The following CEP83 variants were observed in gnomAD, a reference collection of about 807,000 sequenced individuals.
CEP83 encodes the protein centrosomal protein of 83 kDa.
A neutral mutation model predicts 101.9 loss-of-function variants in CEP83; 70 were observed. The ratio of observed to expected loss-of-function variants is 0.69; its 90% CI spans 0.57 to 0.84. CEP83 has a LOEUF of 0.84. Ranked by LOEUF, CEP83 falls within the 40% of genes least tolerant of loss-of-function variation. The pLI is 0.00. For missense variants in CEP83, 715 were observed against 787.2 expected (o/e 0.91, Z 1.10); for synonymous variants, 264 against 267.9 (o/e 0.99, Z 0.14).
chr12:94,429,730 G>A (rs1284060259), intron 2 of CEP83, among the ~76,000 whole-genome samples: 1 of 152,108 alleles, frequency 6.6e-6, no homozygotes, highest in African/African-American at 2.4e-5. Context: ...AATAAGCAAA[G>A]CATGAGCTTC....
At chr12:94,398,576 T>C (rs916348831) in intron 6 of CEP83, among the ~76,000 whole-genome samples, 1 of 152,184 alleles carries the variant, frequency 6.6e-6, no homozygotes, top group Admixed American at 6.5e-5. Flanking sequence ...ACAAATTTGA[T>C]TGTAAAACGT....
intron 4 of CEP83, among the ~76,000 whole-genome samples, chr12:94,409,957 A>G (rs2063778868): frequency 6.6e-6 from 1 of 152,106 alleles, no homozygotes; most frequent in Non-Finnish European, 1.5e-5. Context: ...ACATCCAAAT[A>G]AGGTCACCTT....
At chr12:94,435,829 T>G (rs1408389228) in intron 1 of CEP83, among the ~76,000 whole-genome samples, 1 of 152,164 alleles carries the variant, frequency 6.6e-6, no homozygotes, top group Admixed American at 6.5e-5. Context: ...CTAACCAGCA[T>G]TCACTCTCCT....
chr12:94,274,319 T>A, the CEP83 span, among the ~76,000 whole-genome samples: 1 of 151,518 alleles, frequency 6.6e-6, no homozygotes, highest in African/African-American at 2.4e-5. Flanking sequence ...GGCAACAGAG[T>A]GAGACCCTGT....
intron 4 of CEP83, among the ~76,000 whole-genome samples, chr12:94,407,406 T>C (rs781219949): frequency 5.9e-5 from 9 of 152,178 alleles, no homozygotes; most frequent in Non-Finnish European, 1.2e-4. Context: ...AGAACAAAGA[T>C]AACCTGTGCT....
intron 14 of CEP83, among the ~76,000 whole-genome samples, chr12:94,321,815 C>A (rs2136379961): frequency 6.6e-6 from 1 of 152,082 alleles, no homozygotes; most frequent in African/African-American, 2.4e-5. Flanking sequence ...GGCTGGATGG[C>A]CCTGGTGGGG....
intron 1 of CEP83, among the ~76,000 whole-genome samples, chr12:94,449,759 C>A (rs1336057856): frequency 1.9e-5 from 2 of 103,800 alleles, no homozygotes. Context: ...GGTCACAGAG[C>A]AAGAGTCTGT....
the CEP83 span, among the ~76,000 whole-genome samples, chr12:94,293,322 T>A: frequency 6.6e-6 from 1 of 152,228 alleles, no homozygotes; most frequent in Non-Finnish European, 1.5e-5. Flanking sequence ...AGGACCTACA[T>A]GTGAAATGGC....
the CEP83 span, among the ~76,000 whole-genome samples, chr12:94,279,294 A>C: frequency 0.017 from 2,646 of 152,286 alleles, 28 homozygotes; most frequent in Middle Eastern, 0.034. Context: ...TTTCCCTTCC[A>C]TTATCCCTGA....
At chr12:94,293,163 C>T in the CEP83 span, among the ~76,000 whole-genome samples, 2 of 152,156 alleles carry the variant, frequency 1.3e-5, no homozygotes, top group African/African-American at 4.8e-5. Flanking sequence ...TGGCGTGTAA[C>T]AGTAGTTTGC....
rs539345753 is a variant in CEP83 at position 94,427,980 on chromosome 12, T to C, written c.-102+7295A>G. 7.9e-5 allele frequency among the ~76,000 whole-genome samples: 12 copies of C among 152,258 alleles called. No individual in the cohort carries two copies. The South Asian group carries it at 2.5e-3, about 32-fold the overall frequency. On this transcript the variant is annotated intron_variant, in intron 2 of 16. Coordinates refer to ENST00000397809, the MANE Select transcript of CEP83 (RefSeq NM_016122.3). ...TCAAAGCCCTGGTAAGGTGCCAGGC[T>C]CTGTAATTGTGATTTAGAAAGAAAC...
chr12:94,368,302 G>T, intron 9 of CEP83, 101 bp from the exon 10 acceptor site: 1 of 794,442 alleles, frequency 1.3e-6, no homozygotes, highest in Non-Finnish European at 2.0e-6. Context: ...ACAAATGAAT[G>T]TAGAAAGTCT....
At chr12:94,424,847 G>A in intron 2 of CEP83, 3 of 1,600,342 alleles carry the variant, frequency 1.9e-6, no homozygotes, top group Non-Finnish European at 8.6e-7. Flanking sequence ...ACTGCTGTTA[G>A]GTGTACTGTT....
At chr12:94,301,688 C>G (rs1053920119), downstream of CEP83, among the ~76,000 whole-genome samples, 1 of 152,164 alleles carries the variant, frequency 6.6e-6, no homozygotes, top group Non-Finnish European at 1.5e-5. Flanking sequence ...AGGAGGAGTT[C>G]TTGGGCAGGA....
At chr12:94,377,114 A>C (rs373853637) in intron 7 of CEP83, among the ~76,000 whole-genome samples, 14 of 152,294 alleles carry the variant, frequency 9.2e-5, no homozygotes, top group African/African-American at 3.4e-4. Flanking sequence ...CATTTCGTAC[A>C]TATAGATGCT....
intron 1 of CEP83, among the ~76,000 whole-genome samples, chr12:94,440,133 G>A (rs556274584): frequency 7.2e-5 from 11 of 152,190 alleles, no homozygotes; most frequent in Admixed American, 2.0e-4. Context: ...AACAAGACAA[G>A]GATGTCCACT....
intron 4 of CEP83, among the ~76,000 whole-genome samples, chr12:94,403,749 T>G (rs2063382210): frequency 6.6e-6 from 1 of 152,144 alleles, no homozygotes; most frequent in Admixed American, 6.5e-5. Context: ...AGTAATTAAA[T>G]ATTTATGTAA....
intron 6 of CEP83, among the ~76,000 whole-genome samples, chr12:94,382,025 T>A (rs1029413003): frequency 2.6e-5 from 4 of 152,046 alleles, no homozygotes; most frequent in African/African-American, 9.7e-5. Context: ...AATTACAGAT[T>A]GAATTTCCCT....
chr12:94,272,632 A>C, the CEP83 span, among the ~76,000 whole-genome samples: 1 of 152,180 alleles, frequency 6.6e-6, no homozygotes, highest in Non-Finnish European at 1.5e-5. Context: ...CCCACTGGGC[A>C]TGGTGGCTCA....
Sources: gnomAD v4.1 joint callset for allele counts (sites outside exome capture counted in the v4.1 genomes callset) on GRCh38, gnomAD v4.1.1 for gene constraint, MANE v1.5 for transcripts, NCBI Gene and HGNC (gene_info 2026-07-23, HGNC 2026-07-21) for gene names.